PKHD1: variants seen among roughly 807,000 people sequenced by gnomAD.
The protein encoded by PKHD1 is PKHD1 ciliary IPT domain containing fibrocystin/polyductin.
Under a neutral mutation model 412.0 loss-of-function variants are expected in PKHD1, and 291 were observed. The observed-to-expected ratio is 0.71, with a 90% CI of 0.64 to 0.78. The LOEUF (loss-of-function observed/expected upper bound fraction) is 0.78, where lower values mean the gene tolerates loss of function less well. Ranked by LOEUF, PKHD1 falls within the 30% of genes least tolerant of loss-of-function variation. The pLI, the probability that PKHD1 is intolerant of heterozygous loss-of-function variation, is 0.00. For missense variants in PKHD1, 4,825 were observed against 4,950.7 expected (o/e 0.97, Z 0.76); for synonymous variants, 1,777 against 1,821.5 (o/e 0.98, Z 0.62).
chr6:52,053,365 A>AC, intron 20 of PKHD1, 114 bp from the exon 21 acceptor site: 1 of 1,000,118 alleles, frequency 1.0e-6, no homozygotes, highest in South Asian at 1.4e-5. Flanking sequence ...CAGGAGAGAG[A>AC]CCCCATGAAC....
intron 43 of PKHD1, among the ~76,000 whole-genome samples, chr6:51,902,163 T>C (rs1781397017): frequency 1.3e-5 from 2 of 152,180 alleles, no homozygotes; most frequent in African/African-American, 4.8e-5. Context: ...GTAGTCAACA[T>C]TATGCTACCC....
In PKHD1 at chr6:51,791,342, T is replaced by C. The variant is rs1179231476; in HGVS notation, c.8334A>G (p.Pro2778=). Residue 2778 remains proline (P), a synonymous_variant, in exon 53 of 67, where the codon CCA becomes CCG. Coordinates refer to ENST00000371117, the MANE Select transcript of PKHD1 (RefSeq NM_138694.4). ...NRTVLVDTDL[P]FFKGLYVMGT... Reference sequence around the variant, plus strand: ...CCATCACATACAGCCCTTTGAAGAATGGAAGATCTGTATCCACAAGGACAG... The same window carrying C: ...CCATCACATACAGCCCTTTGAAGAACGGAAGATCTGTATCCACAAGGACAG... 1.9e-6 allele frequency: 3 copies of C among 1,613,498 alleles called. No individual in the cohort carries two copies. Among genetic ancestry groups the C allele is most frequent in the Non-Finnish European group, 2.5e-6 (3 of 1,179,622 alleles).
intron 55 of PKHD1, among the ~76,000 whole-genome samples, chr6:51,767,029 G>C (rs1789169473): frequency 1.3e-5 from 2 of 151,910 alleles, no homozygotes; most frequent in African/African-American, 4.8e-5. Context: ...ATAATTTAGA[G>C]TAAAACATAA....
intron 35 of PKHD1, among the ~76,000 whole-genome samples, chr6:51,989,945 A>AGG (rs1796787634): frequency 2.7e-5 from 1 of 36,760 alleles, no homozygotes; most frequent in Non-Finnish European, 6.0e-5. Flanking sequence ...AGAAGGAAGG[A>AGG]AGAAAGGAAG....
At position 51,744,381 on chromosome 6, in the gene PKHD1, T is replaced by C; in HGVS notation, c.10156+4A>G. 1 of 1,613,378 alleles carries C rather than the reference T, an allele frequency of 6.2e-7. No individual in the cohort carries two copies. Among genetic ancestry groups the C allele is most frequent in the Non-Finnish European group, 8.5e-7 (1 of 1,179,352 alleles). On this transcript the variant is annotated splice_donor_region_variant and intron_variant, in intron 60 of 66. Coordinates refer to ENST00000371117, the MANE Select transcript of PKHD1 (RefSeq NM_138694.4). The stretch of plus-strand genomic sequence containing the variant: ...CACAGGCATTGCATTCAGATATAGC[T>C]TACCTGCGTTGAAGAAGGATGCAGT...
At chr6:51,674,325 T>C (rs1464550344) in intron 60 of PKHD1, among the ~76,000 whole-genome samples, 1 of 152,160 alleles carries the variant, frequency 6.6e-6, no homozygotes, top group Non-Finnish European at 1.5e-5. Flanking sequence ...CAGGCCAGGA[T>C]AGAGATTAGA....
intron 18 of PKHD1, among the ~76,000 whole-genome samples, chr6:52,056,199 C>T (rs187864742): frequency 3.2e-4 from 48 of 152,098 alleles, no homozygotes; most frequent in Admixed American, 6.5e-4. Context: ...TAGCAGGATA[C>T]GGAAAACTAT....
rs552760366 is a variant in PKHD1, at chr6:52,065,736, G to A, written c.880+240C>T. Among the ~76,000 whole-genome samples the A allele has an allele frequency of 1.6e-4, 24 of 152,210 alleles. No individual in the cohort carries two copies. In the South Asian group the frequency reaches 4.8e-3, roughly 30 times the overall value. On this transcript the variant is annotated intron_variant, in intron 12 of 66. Coordinates refer to ENST00000371117, the MANE Select transcript of PKHD1 (RefSeq NM_138694.4). ...TTCTTTCTCTTCACTCACAAGATAGGGGCACCTGAGGGAATTGCCTATGCA... is the reference window on the plus strand; with the variant it reads ...TTCTTTCTCTTCACTCACAAGATAGAGGCACCTGAGGGAATTGCCTATGCA...
In PKHD1 at chr6:51,702,890, ATTTTT is replaced by A. The variant is rs11447702; in HGVS notation, c.10156+41490_10156+41494del. The stretch of plus-strand genomic sequence containing the variant: ...TGGGATTCAGAATTATCAGAAATCA[ATTTTT>A]TTTTTTTTTTTTGCTTGCGGTTACC... On this transcript the variant is annotated intron_variant, in intron 60 of 66. Transcript: ENST00000371117. 3.0e-3 allele frequency among the ~76,000 whole-genome samples: 418 copies of A among 138,292 alleles called. 4 individuals are homozygous for A. The highest frequency in any genetic ancestry group is 6.1e-3 in the Admixed American group (83 of 13,656). The allele number at this position is 138,292 out of a possible 152,430, so 90.7% of individuals were successfully genotyped here.
At chr6:51,907,578 A>G (rs752309662) in intron 40 of PKHD1, among the ~76,000 whole-genome samples, 39 of 152,298 alleles carry the variant, frequency 2.6e-4, no homozygotes, top group Middle Eastern at 6.8e-3. Flanking sequence ...TGAACCTTTA[A>G]AAAGTACTGT....
chr6:51,912,515 C>A lies in PKHD1; in HGVS notation c.6183G>T (p.Val2061=), dbSNP rs1783110462. ...AGTCCACAGCATCTTCTAAAGCCAGCACTGTGTCTAGGGCATGGGCAGTTG... is the reference window on the plus strand; with the variant it reads ...AGTCCACAGCATCTTCTAAAGCCAGAACTGTGTCTAGGGCATGGGCAGTTG... ...LRATAHALDT[V]LALEDAVDWN... The change falls in exon 38 of 67, where the codon GTG becomes GTT. Residue 2061 remains valine, a synonymous_variant. Coordinates refer to ENST00000371117, the MANE Select transcript of PKHD1 (RefSeq NM_138694.4). 6.2e-7 allele frequency: 1 copy of A among 1,613,270 alleles called. No homozygotes were observed. Among genetic ancestry groups the A allele is most frequent in the South Asian group, 1.1e-5 (1 of 91,070 alleles).
rs1201135866 is a variant in PKHD1 at position 51,919,641 on chromosome 6, AG to A, written c.6122-7066del. ...TTTTTTGGTTCCACGTGAACTTTAA[AG>A]AAGTTTTTTCCAATTCTGTGAAGAA... is the stretch of plus-strand genomic sequence containing the variant. On this transcript the variant is annotated intron_variant, in intron 37 of 66. Coordinates refer to ENST00000371117, the MANE Select transcript of PKHD1 (RefSeq NM_138694.4). 1.2e-4 allele frequency among the ~76,000 whole-genome samples: 19 copies of A among 152,308 alleles called. No individual in the cohort carries two copies. In the East Asian group the frequency reaches 3.5e-3, roughly 28 times the overall value.
intron 64 of PKHD1, among the ~76,000 whole-genome samples, chr6:51,633,321 G>A (rs1458441888): frequency 1.3e-5 from 2 of 152,086 alleles, no homozygotes; most frequent in Non-Finnish European, 2.9e-5. Context: ...CATTTATGGA[G>A]ACAGAAAAAT....
chr6:52,025,848 C>T lies in PKHD1; in HGVS notation c.3962G>A (p.Gly1321Glu). ...TNSSLSLHVG[G>E]SNLSNSVILL... ...GATGACTGAGTTGGAGAGGTTACTT[C>T]CTCCCACATGCAGGCTCAGGCTGCT... Residue 1321 changes from glycine (G) to glutamate (E), a missense_variant, in exon 32 of 67, where the codon GGA (glycine) becomes GAA (glutamate). Physicochemically the swap from Gly to Glu is moderately conservative, Grantham distance 98 (BLOSUM62 -2). Coordinates refer to ENST00000371117, the MANE Select transcript of PKHD1 (RefSeq NM_138694.4). 6.2e-7 allele frequency: 1 copy of T among 1,614,176 alleles called. No individual in the cohort carries two copies. The highest frequency in any genetic ancestry group is 1.1e-5 in the South Asian group (1 of 91,088).
At chr6:51,640,105 G>A (rs964832580) in intron 63 of PKHD1, among the ~76,000 whole-genome samples, 1 of 152,192 alleles carries the variant, frequency 6.6e-6, no homozygotes, top group African/African-American at 2.4e-5. Flanking sequence ...AAACCTATAT[G>A]CATCAAAATT....
intron 45 of PKHD1, among the ~76,000 whole-genome samples, chr6:51,884,374 G>C (rs192580796): frequency 6.6e-6 from 1 of 152,172 alleles, no homozygotes; most frequent in African/African-American, 2.4e-5. Flanking sequence ...CTATTTCATT[G>C]ACATATATAT....
chr6:51,631,939 CT>C lies in PKHD1; in HGVS notation c.11665+625del, dbSNP rs1196969455. 5.8e-3 allele frequency among the ~76,000 whole-genome samples: 755 copies of C among 129,968 alleles called. 2 individuals carry two copies. Among genetic ancestry groups the C allele is most frequent in the African/African-American group, 0.014 (478 of 35,320 alleles). The allele number at this position is 129,968 out of a possible 152,430, so 85.3% of individuals were successfully genotyped here. Reference sequence around the variant, plus strand: ...ATTTCCCCGGATTCTTTTTTTTTTTCTTTTTTTTTTTTTTTATTGTGACAGA... The same window carrying C: ...ATTTCCCCGGATTCTTTTTTTTTTTCTTTTTTTTTTTTTTATTGTGACAGA... On this transcript the variant is annotated intron_variant, in intron 65 of 66. Transcript: ENST00000371117.
chr6:51,900,501 A>C (rs1354512024), intron 43 of PKHD1, among the ~76,000 whole-genome samples: 1 of 152,218 alleles, frequency 6.6e-6, no homozygotes, highest in Non-Finnish European at 1.5e-5. Flanking sequence ...ACTTCCTTAC[A>C]CCTTATTCAA....
rs1766214387 is a variant in PKHD1, at chr6:51,618,096, T to C, written c.*985A>G. The C allele has an allele frequency of 6.6e-6, 1 of 152,190 alleles. No individual in the cohort carries two copies. The highest frequency in any genetic ancestry group is 1.5e-5 in the Non-Finnish European group (1 of 68,050). The allele number at this position is 152,190 out of a possible 1,614,324, so 9.4% of individuals were successfully genotyped here. On this transcript the variant is annotated 3_prime_UTR_variant, in exon 67 of 67. Coordinates refer to ENST00000371117, the MANE Select transcript of PKHD1 (RefSeq NM_138694.4). ...TTGGTGAAATTGCCTTTAACAACCTTACCAAATGTATCAATACCAGGTGAG... is the reference window on the plus strand; with the variant it reads ...TTGGTGAAATTGCCTTTAACAACCTCACCAAATGTATCAATACCAGGTGAG...
Sources: allele counts gnomAD v4.1 joint callset (sites outside exome capture counted in the v4.1 genomes callset), GRCh38; gene constraint gnomAD v4.1.1; transcripts MANE v1.5; gene names NCBI Gene and HGNC (gene_info 2026-07-23, HGNC 2026-07-21).